The following MVD variants were observed in gnomAD, a reference collection of about 807,000 sequenced individuals.
MVD encodes the protein mevalonate diphosphate decarboxylase, also known as diphosphomevalonate decarboxylase.
MVD carries 52 observed loss-of-function variants against 42.4 expected under a neutral mutation model. That is an observed-to-expected ratio of 1.23 (90% CI 0.98 to 1.55). The LOEUF (loss-of-function observed/expected upper bound fraction) is 1.55, where lower values mean the gene tolerates loss of function less well. Among genes scored for constraint, MVD ranks in the 40% most tolerant of loss-of-function variants. MVD has a pLI of 0.00. For missense variants in MVD, 663 were observed against 572.1 expected, an observed-to-expected ratio of 1.16 and a Z score of -1.62; for synonymous variants, 287 against 243.2, an observed-to-expected ratio of 1.18 and a Z score of -1.68.
Position 88,652,572 on chromosome 16 carries a change from A to G in MVD, c.1156T>C (p.Cys386Arg). The G allele has an allele frequency of 6.4e-7, 1 of 1,570,616 alleles. No homozygotes were observed. The highest frequency in any genetic ancestry group is 8.6e-7 in the Non-Finnish European group (1 of 1,157,904). ...CCGTCAGGACCCAGGAGGTGGGCGCAGGGGTCATCCAGGATTTGAGGCCCT... is the reference window on the plus strand; with the variant it reads ...CCGTCAGGACCCAGGAGGTGGGCGCGGGGGTCATCCAGGATTTGAGGCCCT... Reference protein sequence around the residue: ...GPGPQILDDPCAHLLGPDGLP... With the variant: ...GPGPQILDDPRAHLLGPDGLP... The change falls in exon 10 of 10, where the codon TGC (cysteine) becomes CGC (arginine). Residue 386 changes from cysteine (C) to arginine (R), a missense_variant. Transcript: ENST00000301012.
chr16:88,658,819 C>A, intron 1 of MVD, 99 bp from the exon 2 acceptor site: 1 of 850,544 alleles, frequency 1.2e-6, no homozygotes, highest in South Asian at 1.4e-5. Context: ...GGCCCCCATC[C>A]GCCTCAGTCC....
intron 4 of MVD, 111 bp from the exon 5 acceptor site, chr16:88,656,415 A>AAGCCC: frequency 8.4e-7 from 1 of 1,195,088 alleles, no homozygotes; most frequent in Non-Finnish European, 1.2e-6. Flanking sequence ...GGATTTCCAG[A>AAGCCC]TGACAGGGCT....
chr16:88,658,828 C>T, intron 1 of MVD, 108 bp from the exon 2 acceptor site: 2 of 812,314 alleles, frequency 2.5e-6, no homozygotes, highest in Non-Finnish European at 3.8e-6. Flanking sequence ...CCGCCTCAGT[C>T]CCGTCTCTCA....
Position 88,657,970 on chromosome 16 carries a change from C to T in MVD, c.201G>A (p.Leu67=), listed in dbSNP as rs1908046897. 6.2e-7 allele frequency: 1 copy of T among 1,614,014 alleles called. No homozygotes were observed. Among genetic ancestry groups the T allele is most frequent in the Non-Finnish European group, 8.5e-7 (1 of 1,180,044 alleles). ...GCCCCACATCCTCCTCCCGGCCATTCAGCCAAATCCGGTCCTCGGTGAAGT... is the reference window on the plus strand; with the variant it reads ...GCCCCACATCCTCCTCCCGGCCATTTAGCCAAATCCGGTCCTCGGTGAAGT... ...SKDFTEDRIW[L]NGREEDVGQP... is the part of the protein sequence containing the mutation. The change falls in exon 3 of 10, where the codon CTG becomes CTA. Residue 67 remains leucine (L), a synonymous_variant. Transcript: ENST00000301012.
chr16:88,656,385 C>T, intron 4 of MVD, 81 bp from the exon 5 acceptor site: 2 of 1,448,450 alleles, frequency 1.4e-6, no homozygotes, highest in Non-Finnish European at 9.5e-7. Context: ...CAGGAACGTC[C>T]CACACCCCAC....
Position 88,654,805 on chromosome 16 carries a change from C to A in MVD, c.900G>T (p.Val300=), listed in dbSNP as rs201946705. 1.9e-6 allele frequency: 3 copies of A among 1,569,698 alleles called. No individual in the cohort carries two copies. The highest frequency in any genetic ancestry group is 4.0e-5 in the Admixed American group (2 of 49,780). Reference sequence around the variant, plus strand: ...TGGGGCCCGCGTCAAAGGTGTACGCCACCTGGAACCCACAGCAGTCACCCT... The same window carrying A: ...TGGGGCCCGCGTCAAAGGTGTACGCAACCTGGAACCCACAGCAGTCACCCT... ...RFNAHHGDTK[V]AYTFDAGPNA... Residue 300 remains valine (V), a splice_region_variant and synonymous_variant, in exon 8 of 10, where the codon GTG becomes GTT. Coordinates refer to ENST00000301012, the MANE Select transcript of MVD (RefSeq NM_002461.3).
chr16:88,653,187 G>C (rs1038536817), intron 9 of MVD, 113 bp downstream of exon 9: 1 of 791,512 alleles, frequency 1.3e-6, no homozygotes, highest in East Asian at 2.8e-5. Flanking sequence ...CTTCCTGCCT[G>C]AGACACGGTA....
chr16:88,662,156 T>C (rs1241426368), intron 1 of MVD: 3 of 152,074 alleles, frequency 2.0e-5, no homozygotes, highest in Non-Finnish European at 4.4e-5. Flanking sequence ...TAGCCAGTCG[T>C]GGTGGCGGCT....
chr16:88,656,313 A>C lies in MVD; in HGVS notation c.404-9T>G, dbSNP rs980724423. ...ACGGGCCAGGGTGTAGGCTGCAGGC[A>C]TGCGGATTCAGGGAGGGTCCTCAGA... On this transcript the variant is annotated splice_polypyrimidine_tract_variant and intron_variant, in intron 4 of 9. Transcript: ENST00000301012. 1 of 1,598,734 alleles carries C rather than the reference A, an allele frequency of 6.3e-7. No homozygotes were observed. Among genetic ancestry groups the C allele is most frequent in the African/African-American group, 1.3e-5 (1 of 74,920 alleles).
At position 88,655,665 on chromosome 16, in the gene MVD, G is replaced by A. The variant is rs1385297669; in HGVS notation, c.669C>T (p.Pro223=). The A allele has an allele frequency of 1.3e-6, 2 of 1,554,902 alleles. No homozygotes were observed. Among genetic ancestry groups the A allele is most frequent in the Non-Finnish European group, 1.7e-6 (2 of 1,149,398 alleles). The change falls in exon 6 of 10, where the codon CCC becomes CCT. Residue 223 remains proline (P), a synonymous_variant. Transcript: ENST00000301012. The part of the protein sequence containing the change: ...VGMRASVETS[P]LLRFRAESVV... ...CCGCTCCTGGCCTTACCCGAAGCAG[G>A]GGGCTGGTCTCCACACTGGCCCGCA...
chr16:88,657,725 C>G, intron 3 of MVD, 143 bp from the exon 4 acceptor site: 3 of 1,335,882 alleles, frequency 2.2e-6, no homozygotes, highest in Non-Finnish European at 3.1e-6. Context: ...CGGGAAAACC[C>G]CAGACTGACC....
chr16:88,660,000 A>G (rs545561445), intron 1 of MVD, among the ~76,000 whole-genome samples: 38 of 151,864 alleles, frequency 2.5e-4, no homozygotes, highest in East Asian at 1.9e-4. Flanking sequence ...AAGAAAAGAA[A>G]AAAAGAAACA....
chr16:88,652,268 G>C lies in MVD; in HGVS notation c.*257C>G. 1.7e-6 allele frequency: 1 copy of C among 586,824 alleles called. No individual in the cohort carries two copies. The highest frequency in any genetic ancestry group is 3.1e-6 in the Non-Finnish European group (1 of 326,810). The allele number at this position is 586,824 out of a possible 1,614,324, so 36.4% of individuals were successfully genotyped here. A position where few individuals can be genotyped will look rare whatever the true frequency, so the allele number is the denominator to read the frequency against. On this transcript the variant is annotated 3_prime_UTR_variant, in exon 10 of 10. Transcript: ENST00000301012. ...GCCCTGCTGCACCGAGGCTCTGCCA[G>C]TTCTCATACCCCCTCCCCATCCCAT...
In MVD at chr16:88,657,310, G is replaced by T. The variant is rs1597380312; in HGVS notation, c.403+126C>A. On this transcript the variant is annotated intron_variant, in intron 4 of 9. Transcript: ENST00000301012. ...GACTGAACAACTCCAGAGAGGCCAG[G>T]GAGGCCTGGGGTGAGGGGATGCTCT... 2.3e-6 allele frequency: 3 copies of T among 1,310,678 alleles called. No homozygotes were observed. In the African/African-American group the frequency reaches 4.4e-5, roughly 19 times the overall value. 81.2% of individuals were successfully genotyped at this position (1,310,678 alleles called of 1,614,324 possible). A position where few individuals can be genotyped will look rare whatever the true frequency, so the allele number is the denominator to read the frequency against.
intron 8 of MVD, among the ~76,000 whole-genome samples, chr16:88,653,885 G>A (rs916201096): frequency 5.3e-5 from 8 of 152,132 alleles, no homozygotes; most frequent in African/African-American, 7.2e-5. Context: ...GTCCTGGGGT[G>A]TGGGTCTGAG....
rs1413983301 is a variant in MVD, at chr16:88,657,585, G to A, written c.257-3C>T. ...CCGCTTCCGGGCCAGGCAGCGGACT[G>A]CAGAGACAATGAGACAGCGTGTGGC... On this transcript the variant is annotated splice_region_variant and splice_polypyrimidine_tract_variant and intron_variant, in intron 3 of 9. Coordinates refer to ENST00000301012, the MANE Select transcript of MVD (RefSeq NM_002461.3). 6.2e-7 allele frequency: 1 copy of A among 1,612,106 alleles called. No homozygotes were observed. Among genetic ancestry groups the A allele is most frequent in the Admixed American group, 1.7e-5 (1 of 59,998 alleles).
chr16:88,652,406 G>A lies in MVD; in HGVS notation c.*119C>T. The A allele has an allele frequency of 8.7e-7, 1 of 1,152,562 alleles. No homozygotes were observed. The highest frequency in any genetic ancestry group is 1.3e-5 in the South Asian group (1 of 75,734). 71.4% of individuals were successfully genotyped at this position (1,152,562 alleles called of 1,614,324 possible). On this transcript the variant is annotated 3_prime_UTR_variant, in exon 10 of 10. Coordinates refer to ENST00000301012, the MANE Select transcript of MVD (RefSeq NM_002461.3). ...ACTGCCCCACAGCAAGCTGCCCATG[G>A]GCCCGGGGTCAAGCCACCACCCACA...
chr16:88,655,431 G>C lies in MVD; in HGVS notation c.679-14C>G, dbSNP rs369497395. The C allele has an allele frequency of 1.9e-6, 3 of 1,557,922 alleles. No homozygotes were observed. The highest frequency in any genetic ancestry group is 2.7e-5 in the African/African-American group (2 of 73,820). On this transcript the variant is annotated splice_polypyrimidine_tract_variant and intron_variant, in intron 6 of 9. Transcript: ENST00000301012. Reference sequence around the variant, plus strand: ...CTCGGCCCGGAACTGCAAGGCACAGGGTGTTTCCCATGGAGCCGCTGGGGG... The same window carrying C: ...CTCGGCCCGGAACTGCAAGGCACAGCGTGTTTCCCATGGAGCCGCTGGGGG...
At position 88,652,260 on chromosome 16, in the gene MVD, C is replaced by T; in HGVS notation, c.*265G>A. 3.4e-6 allele frequency: 2 copies of T among 581,058 alleles called. No homozygotes were observed. The highest frequency in any genetic ancestry group is 2.0e-5 in the South Asian group (1 of 50,922). 36.0% of individuals were successfully genotyped at this position (581,058 alleles called of 1,614,324 possible). On this transcript the variant is annotated 3_prime_UTR_variant, in exon 10 of 10. Coordinates refer to ENST00000301012, the MANE Select transcript of MVD (RefSeq NM_002461.3). ...GCCCTTCAGCCCTGCTGCACCGAGG[C>T]TCTGCCAGTTCTCATACCCCCTCCC...
Sources: gnomAD v4.1 joint callset for allele counts (sites outside exome capture counted in the v4.1 genomes callset) on GRCh38, gnomAD v4.1.1 for gene constraint, MANE v1.5 for transcripts, NCBI Gene and HGNC (gene_info 2026-07-23, HGNC 2026-07-21) for gene names.